The following DENND1A variants were observed in gnomAD, a reference collection of about 807,000 sequenced individuals.
DENND1A encodes the protein DENN domain-containing protein 1A.
In DENND1A, 51 loss-of-function variants were observed where a neutral mutation model predicts 113.7. The observed-to-expected ratio is 0.45, with a 90% confidence interval of 0.36 to 0.57. The LOEUF is 0.57. Among genes scored for constraint, DENND1A ranks in the 20% least tolerant of loss-of-function variants. DENND1A has a pLI of 0.00. For synonymous variants in DENND1A, 565 were observed against 570.8 expected (o/e 0.99, Z 0.14); for missense variants, 1,258 against 1,395.9 (o/e 0.90, Z 1.57).
intron 13 of DENND1A, among the ~76,000 whole-genome samples, chr9:123,483,531 G>A (rs545224104): frequency 1.3e-5 from 2 of 152,376 alleles, no homozygotes; most frequent in African/African-American, 2.4e-5. Flanking sequence ...AGCACTTGCT[G>A]GGTTCCCCAG....
chr9:123,539,928 G>A (rs1319741475), intron 13 of DENND1A, among the ~76,000 whole-genome samples: 3 of 151,798 alleles, frequency 2.0e-5, no homozygotes, highest in Non-Finnish European at 4.4e-5. Context: ...CTTGATTAAG[G>A]CAGTTTTATG....
chr9:123,586,488 C>T (rs1279326703), intron 11 of DENND1A, among the ~76,000 whole-genome samples: 1 of 152,202 alleles, frequency 6.6e-6, no homozygotes, highest in Non-Finnish European at 1.5e-5. Flanking sequence ...CTTTTTCTAA[C>T]TTAGCAGGCC....
chr9:123,872,146 T>C (rs976476736), intron 2 of DENND1A, among the ~76,000 whole-genome samples: 3 of 152,090 alleles, frequency 2.0e-5, no homozygotes, highest in Non-Finnish European at 4.4e-5. Flanking sequence ...AATACACCAA[T>C]TGGAGTCACA....
chr9:123,438,438 A>G (rs1046842687), intron 19 of DENND1A, among the ~76,000 whole-genome samples: 1 of 152,100 alleles, frequency 6.6e-6, no homozygotes, highest in Non-Finnish European at 1.5e-5. Context: ...AAATAAATAG[A>G]GTGTAGACTG....
chr9:123,883,024 CCTT>C (rs1236926658), intron 1 of DENND1A, among the ~76,000 whole-genome samples: 1 of 152,184 alleles, frequency 6.6e-6, no homozygotes, highest in Non-Finnish European at 1.5e-5. Context: ...GCCACAATGA[CCTT>C]CTTTCTGCTC....
chr9:123,786,951 G>A (rs1832275608), intron 3 of DENND1A, among the ~76,000 whole-genome samples: 1 of 151,904 alleles, frequency 6.6e-6, no homozygotes, highest in Non-Finnish European at 1.5e-5. Flanking sequence ...AAGCTCAAAA[G>A]TTTCCAAGAG....
intron 5 of DENND1A, among the ~76,000 whole-genome samples, chr9:123,680,271 A>T (rs6478629): frequency 6.6e-6 from 1 of 151,878 alleles, no homozygotes; most frequent in Non-Finnish European, 1.5e-5. Flanking sequence ...CCCAGGCTCT[A>T]CCCTCACTCC....
chr9:123,629,324 T>TA (rs2061377310), intron 10 of DENND1A, among the ~76,000 whole-genome samples: 1 of 152,228 alleles, frequency 6.6e-6, no homozygotes, highest in South Asian at 2.1e-4. Flanking sequence ...CATGCTCCCT[T>TA]ACGGACTTCT....
chr9:123,706,821 C>T (rs1193557165), intron 5 of DENND1A, among the ~76,000 whole-genome samples: 2 of 145,230 alleles, frequency 1.4e-5, no homozygotes, highest in East Asian at 2.0e-4. Context: ...AAAACAACTC[C>T]AAGGTTTTTG....
intron 3 of DENND1A, among the ~76,000 whole-genome samples, chr9:123,791,616 C>T (rs1299750379): frequency 6.6e-6 from 1 of 152,124 alleles, no homozygotes; most frequent in East Asian, 1.9e-4. Context: ...AGATACCTTG[C>T]TCTCTATACA....
rs1259873606 is a variant in DENND1A, at chr9:123,422,510, T to G, written c.1489-10681A>C. ...TAGTCAGGTTCACCAGACAGAAGGT[T>G]TTTTTTTTTTTTCCTTCCCTCAGAA... On this transcript the variant is annotated intron_variant, in intron 19 of 23. Coordinates refer to ENST00000394215, the MANE Select transcript of DENND1A (RefSeq NM_001352964.2). This position sits in a 1 kb window ranked among gnomAD's most constrained non-coding sequence, Gnocchi z 4.8. 1.2e-5 allele frequency among the ~76,000 whole-genome samples: 1 copy of G among 81,228 alleles called. No homozygotes were observed. The highest frequency in any genetic ancestry group is 2.2e-5 in the Non-Finnish European group (1 of 45,038). The allele number at this position is 81,228 out of a possible 152,430, so 53.3% of individuals were successfully genotyped here.
chr9:123,646,459 A>C (rs145181275), intron 9 of DENND1A, among the ~76,000 whole-genome samples: 20 of 152,280 alleles, frequency 1.3e-4, no homozygotes, highest in African/African-American at 3.6e-4. Flanking sequence ...GCATGCTCAT[A>C]AGAATGTGCC....
intron 2 of DENND1A, among the ~76,000 whole-genome samples, chr9:123,852,010 T>C (rs372600782): frequency 2.7e-4 from 41 of 152,292 alleles, no homozygotes; most frequent in African/African-American, 8.9e-4. Context: ...ACTTCCAACA[T>C]TTGCCCAGCG....
chr9:123,537,912 G>C (rs2055909905), intron 13 of DENND1A, among the ~76,000 whole-genome samples: 1 of 152,198 alleles, frequency 6.6e-6, no homozygotes, highest in African/African-American at 2.4e-5. Context: ...GGATTTACCA[G>C]GGAGCAAGTG....
chr9:123,885,104 T>C (rs1848867930), intron 1 of DENND1A, among the ~76,000 whole-genome samples: 1 of 151,928 alleles, frequency 6.6e-6, no homozygotes, highest in Non-Finnish European at 1.5e-5. Context: ...CCCACCTTTA[T>C]GCTCCCAAGC....
At chr9:123,632,644 C>T (rs1041657518) in intron 9 of DENND1A, among the ~76,000 whole-genome samples, 7 of 152,216 alleles carry the variant, frequency 4.6e-5, no homozygotes, top group African/African-American at 1.7e-4. Context: ...CAAGCCTGGC[C>T]CGGATGGCTC....
chr9:123,568,334 CT>C (rs1035151782), intron 12 of DENND1A, among the ~76,000 whole-genome samples: 8 of 152,018 alleles, frequency 5.3e-5, no homozygotes, highest in Admixed American at 3.3e-4. Flanking sequence ...CCCTCCCCTT[CT>C]TTTTTTTGCA....
intron 13 of DENND1A, among the ~76,000 whole-genome samples, chr9:123,472,348 G>T (rs2049496836): frequency 6.6e-6 from 1 of 152,172 alleles, no homozygotes; most frequent in African/African-American, 2.4e-5. Flanking sequence ...GCCTGGTGGG[G>T]CAGCCAGCCG....
intron 13 of DENND1A, among the ~76,000 whole-genome samples, chr9:123,522,266 C>G (rs1477126141): frequency 6.6e-6 from 1 of 152,234 alleles, no homozygotes; most frequent in Non-Finnish European, 1.5e-5. Context: ...CCACCCAGAG[C>G]TGCTTCTTGT....
Sources: allele counts gnomAD v4.1 joint callset (sites outside exome capture counted in the v4.1 genomes callset), GRCh38; gene constraint gnomAD v4.1.1; non-coding constraint Gnocchi (gnomAD v3.1); transcripts MANE v1.5; gene names NCBI Gene and HGNC (gene_info 2026-07-23, HGNC 2026-07-21).